DNER: variants seen among roughly 807,000 people sequenced by gnomAD.
DNER encodes the protein delta/notch like EGF repeat containing, also known as delta and Notch-like epidermal growth factor-related receptor.
Under a neutral mutation model 78.2 loss-of-function variants are expected in DNER, and 33 were observed. That is an observed-to-expected ratio of 0.42 (90% confidence interval 0.32 to 0.56). DNER has a LOEUF of 0.56. Ranked by LOEUF, DNER falls within the 20% of genes least tolerant of loss-of-function variation. DNER has a pLI of 0.11. For synonymous variants in DNER, 417 were observed against 384.8 expected (o/e 1.08, Z -0.98); for missense variants, 918 against 975.3 (o/e 0.94, Z 0.78).
intron 6 of DNER, among the ~76,000 whole-genome samples, chr2:229,491,813 C>T (rs1454138517): frequency 1.3e-5 from 2 of 152,296 alleles, no homozygotes; most frequent in Non-Finnish European, 1.5e-5. Flanking sequence ...AATCCCATCT[C>T]AATTCCTGGC....
At chr2:229,366,069 T>C (rs1035561888) in intron 12 of DNER, among the ~76,000 whole-genome samples, 1 of 152,260 alleles carries the variant, frequency 6.6e-6, no homozygotes, top group Admixed American at 6.5e-5. Context: ...TAATGGATGC[T>C]GGGCTTAATA....
At chr2:229,396,927 G>T (rs371485741) in intron 10 of DNER, among the ~76,000 whole-genome samples, 1 of 152,070 alleles carries the variant, frequency 6.6e-6, no homozygotes, top group Non-Finnish European at 1.5e-5. Flanking sequence ...GAAATCAGAA[G>T]GTCTAGTGTG....
Position 229,714,218 on chromosome 2 carries a change from T to A in DNER, c.206A>T (p.His69Leu). The change falls in exon 1 of 13, where the codon CAC becomes CTC. Residue 69 changes from histidine to leucine, a missense_variant. Physicochemically the swap from His to Leu is moderately conservative, Grantham distance 99. Transcript: ENST00000341772. ...CTSRPEPDPQ[H>L]PAPAGEPGYS... ...GCCAGGCTCGCCGGCGGGGGCCGGGTGCTGCGGGTCCGGCTCAGGGCGCGA... is the reference window on the plus strand; with the variant it reads ...GCCAGGCTCGCCGGCGGGGGCCGGGAGCTGCGGGTCCGGCTCAGGGCGCGA... The A allele has an allele frequency of 7.2e-7, 1 of 1,391,682 alleles. No homozygotes were observed. The highest frequency in any genetic ancestry group is 9.3e-7 in the Non-Finnish European group (1 of 1,075,830). The allele number at this position is 1,391,682 out of a possible 1,614,324, so 86.2% of individuals were successfully genotyped here. A position where few individuals can be genotyped will look rare whatever the true frequency, so the allele number is the denominator to read the frequency against.
chr2:229,371,453 C>T lies in DNER; in HGVS notation c.1856-4334G>A, dbSNP rs928817549. ...GTGCATGACCAGGAATGCATGTGCACGAGCTGCTCAAGAAAAATGTCACGC... is the reference window on the plus strand; with the variant it reads ...GTGCATGACCAGGAATGCATGTGCATGAGCTGCTCAAGAAAAATGTCACGC... On this transcript the variant is annotated intron_variant, in intron 11 of 12. Transcript: ENST00000341772. 2.6e-5 allele frequency among the ~76,000 whole-genome samples: 4 copies of T among 152,206 alleles called. No individual in the cohort carries two copies. In the East Asian group the frequency reaches 5.8e-4, roughly 22 times the overall value.
rs1483854060 is a variant in DNER, at chr2:229,615,536, T to C, written c.277-23648A>G. Among the ~76,000 whole-genome samples, 7 of 151,606 alleles carry C rather than the reference T, an allele frequency of 4.6e-5. No homozygotes were observed. The East Asian group carries it at 7.8e-4, about 17-fold the overall frequency. ...CATCCTGGCTAACATGGTGAAACCCTATCTCTACTAAAAATACAAAAAAAA... is the reference window on the plus strand; with the variant it reads ...CATCCTGGCTAACATGGTGAAACCCCATCTCTACTAAAAATACAAAAAAAA... On this transcript the variant is annotated intron_variant, in intron 1 of 12. Coordinates refer to ENST00000341772, the MANE Select transcript of DNER (RefSeq NM_139072.4).
At chr2:229,484,784 G>A (rs1695235889) in intron 6 of DNER, among the ~76,000 whole-genome samples, 1 of 152,208 alleles carries the variant, frequency 6.6e-6, no homozygotes, top group Non-Finnish European at 1.5e-5. Context: ...CACCAAGGTT[G>A]AGAAGCCCTG....
At chr2:229,522,973 A>G (rs1304652672) in intron 5 of DNER, among the ~76,000 whole-genome samples, 2 of 152,254 alleles carry the variant, frequency 1.3e-5, no homozygotes, top group Admixed American at 1.3e-4. Context: ...ACAGCTAGTC[A>G]GAGGCAGAGG....
At chr2:229,430,521 G>C (rs1693980291) in intron 8 of DNER, among the ~76,000 whole-genome samples, 1 of 152,066 alleles carries the variant, frequency 6.6e-6, no homozygotes, top group Non-Finnish European at 1.5e-5. Flanking sequence ...GAGAGACTGT[G>C]ACCTAGCCTC....
chr2:229,628,922 T>C (rs1179612318), intron 1 of DNER, among the ~76,000 whole-genome samples: 2 of 152,170 alleles, frequency 1.3e-5, no homozygotes, highest in Non-Finnish European at 2.9e-5. Context: ...TCCCCTAACA[T>C]ATTTTCACCC....
At chr2:229,690,215 G>C (rs1265252815) in intron 1 of DNER, among the ~76,000 whole-genome samples, 1 of 152,150 alleles carries the variant, frequency 6.6e-6, no homozygotes, top group Non-Finnish European at 1.5e-5. Context: ...CCAGGGATTT[G>C]CATTTTAAAG....
chr2:229,404,371 A>C (rs1278335572), intron 10 of DNER, among the ~76,000 whole-genome samples: 1 of 152,192 alleles, frequency 6.6e-6, no homozygotes, highest in Non-Finnish European at 1.5e-5. Flanking sequence ...AGACAGAATG[A>C]GAGCCAGCAG....
intron 1 of DNER, among the ~76,000 whole-genome samples, chr2:229,678,240 C>T (rs1271371252): frequency 6.6e-6 from 1 of 152,168 alleles, no homozygotes. Context: ...TTAGTGTCCC[C>T]TTCGTATTTC....
chr2:229,523,417 C>T (rs1281322048), intron 5 of DNER, among the ~76,000 whole-genome samples: 1 of 152,176 alleles, frequency 6.6e-6, no homozygotes, highest in East Asian at 1.9e-4. Flanking sequence ...TCTCCTGAGG[C>T]CTCTCTCCTT....
chr2:229,455,794 T>C (rs940403240), intron 7 of DNER, among the ~76,000 whole-genome samples: 2 of 152,166 alleles, frequency 1.3e-5, no homozygotes, highest in Non-Finnish European at 2.9e-5. Flanking sequence ...CCAAGGGTTT[T>C]AAATATACTA....
intron 10 of DNER, among the ~76,000 whole-genome samples, chr2:229,397,709 A>G (rs904987977): frequency 2.6e-5 from 4 of 152,224 alleles, no homozygotes; most frequent in African/African-American, 7.2e-5. Flanking sequence ...CTAGATATCT[A>G]TGATAAAAAG....
In DNER at chr2:229,565,495, T is replaced by C. The variant is rs112039630; in HGVS notation, c.848-18403A>G. Among the ~76,000 whole-genome samples the C allele has an allele frequency of 6.4e-3, 979 of 152,292 alleles. 13 individuals are homozygous for C. The highest frequency in any genetic ancestry group is 0.023 in the African/African-American group (944 of 41,574). ...AAAAAATATGTGAATAAACAAGATA[T>C]GGCTACCATTCATAGGATTTGAAAG... On this transcript the variant is annotated intron_variant, in intron 4 of 12. Transcript: ENST00000341772.
At chr2:229,609,620 T>C (rs1399843974) in intron 1 of DNER, among the ~76,000 whole-genome samples, 1 of 152,098 alleles carries the variant, frequency 6.6e-6, no homozygotes, top group Non-Finnish European at 1.5e-5. Context: ...CAGAAAAAGT[T>C]TGCTAACCCC....
chr2:229,702,482 G>A (rs1699761825), intron 1 of DNER, among the ~76,000 whole-genome samples: 1 of 152,046 alleles, frequency 6.6e-6, no homozygotes, highest in Non-Finnish European at 1.5e-5. Flanking sequence ...GCTGCAGTAA[G>A]CCATGATCAC....
chr2:229,435,150 T>C (rs1283901548), intron 8 of DNER, among the ~76,000 whole-genome samples: 1 of 152,154 alleles, frequency 6.6e-6, no homozygotes, highest in East Asian at 1.9e-4. Context: ...AAAGAGAGCA[T>C]GCATATGGGA....
Sources: gnomAD v4.1 joint callset for allele counts (sites outside exome capture counted in the v4.1 genomes callset) on GRCh38, gnomAD v4.1.1 for gene constraint, MANE v1.5 for transcripts, NCBI Gene and HGNC (gene_info 2026-07-23, HGNC 2026-07-21) for gene names.